DNMT3A: variants seen among roughly 807,000 people sequenced by gnomAD.
DNMT3A encodes the protein DNA (cytosine-5)-methyltransferase 3A.
DNMT3A carries 267 observed loss-of-function variants against 117.6 expected under a neutral mutation model. The ratio of observed to expected loss-of-function variants is 2.27; its 90% CI spans 2.05 to 2.51. The LOEUF (loss-of-function observed/expected upper bound fraction) is 2.51, where lower values mean the gene tolerates loss of function less well. Among genes scored for constraint, DNMT3A ranks in the 30% most tolerant of loss-of-function variants. DNMT3A has a pLI of 0.00. For synonymous variants in DNMT3A, 432 were observed against 474.8 expected (o/e 0.91, Z 1.17); for missense variants, 1,029 against 1,260.2 (o/e 0.82, Z 2.78).
Position 25,248,180 on chromosome 2 carries a change from T to TC in DNMT3A, c.711dup (p.Lys238GlufsTer15), listed in dbSNP as rs1319686263. 1 of 1,613,766 alleles carries TC rather than the reference T, an allele frequency of 6.2e-7. No homozygotes were observed. Among genetic ancestry groups the TC allele is most frequent in the Non-Finnish European group, 8.5e-7 (1 of 1,179,944 alleles). On this transcript the variant is annotated frameshift_variant, in exon 7 of 23. Transcript: ENST00000321117. LOFTEE classifies it high-confidence loss of function. ...GCAGGAGGGCTGGCCTCCTCCACCT[T>TC]CTGAGACTCCCCGGGCCCCTGGTTT...
chr2:25,242,330 C>T (rs1469731815), intron 16 of DNMT3A, among the ~76,000 whole-genome samples: 1 of 152,088 alleles, frequency 6.6e-6, no homozygotes, highest in Admixed American at 6.6e-5. Flanking sequence ...TTCCTTACCA[C>T]GATCCCTCCC....
At chr2:25,335,996 G>T (rs1183782732) in intron 1 of DNMT3A, among the ~76,000 whole-genome samples, 1 of 151,846 alleles carries the variant, frequency 6.6e-6, no homozygotes, top group Non-Finnish European at 1.5e-5. Flanking sequence ...GATTTAGCTA[G>T]GAAAGCCCCA....
In DNMT3A at chr2:25,257,041, T is replaced by G. The variant is rs1305929211; in HGVS notation, c.640-8789A>C. On this transcript the variant is annotated intron_variant, in intron 6 of 22. Transcript: ENST00000321117. The surrounding 1 kb of genome is among the most constrained non-coding windows in gnomAD (Gnocchi z 4.8). ...TCATAGCAGGAATTCTAATCGTTGC[T>G]ACGAGGTCCCAGTCTACCAAAAGAG... Among the ~76,000 whole-genome samples the G allele has an allele frequency of 6.6e-6, 1 of 152,250 alleles. No individual in the cohort carries two copies. The highest frequency in any genetic ancestry group is 2.4e-5 in the African/African-American group (1 of 41,462).
In DNMT3A at chr2:25,268,130, G is replaced by A. The variant is rs74816767; in HGVS notation, c.639+6811C>T. ...GTTGTATCTCAGTGTGGCGAGGGAA[G>A]GGAGGAGAGACTATGATGTTCCAGT... is the stretch of plus-strand genomic sequence containing the variant. On this transcript the variant is annotated intron_variant, in intron 6 of 22. Coordinates refer to ENST00000321117, the MANE Select transcript of DNMT3A (RefSeq NM_022552.5). Among the ~76,000 whole-genome samples the A allele has an allele frequency of 2.1e-3, 321 of 152,286 alleles. 3 individuals are homozygous for A. Among genetic ancestry groups the A allele is most frequent in the African/African-American group, 7.1e-3 (296 of 41,552 alleles).
intron 2 of DNMT3A, among the ~76,000 whole-genome samples, chr2:25,303,081 G>A (rs1262094166): frequency 6.6e-6 from 1 of 152,166 alleles, no homozygotes; most frequent in Non-Finnish European, 1.5e-5. Context: ...CCAGCGCCTA[G>A]GGCAGATTCT....
In DNMT3A at chr2:25,245,420, A is replaced by C; in HGVS notation, c.1475-88T>G. 3 of 1,248,214 alleles carry C rather than the reference A, an allele frequency of 2.4e-6. No individual in the cohort carries two copies. The South Asian group carries it at 3.8e-5, about 16-fold the overall frequency. 77.3% of individuals were successfully genotyped at this position (1,248,214 alleles called of 1,614,324 possible). Reference sequence around the variant, plus strand: ...GAGCCCAGCACCAGACCAGCCACAAAAAAGGGGTGTGCCAGAGCGGCAGCC... The same window carrying C: ...GAGCCCAGCACCAGACCAGCCACAACAAAGGGGTGTGCCAGAGCGGCAGCC... On this transcript the variant is annotated intron_variant, in intron 12 of 22. Coordinates refer to ENST00000321117, the MANE Select transcript of DNMT3A (RefSeq NM_022552.5).
At chr2:25,245,398 C>T in intron 12 of DNMT3A, 66 bp from the exon 13 acceptor site, 1 of 1,443,240 alleles carries the variant, frequency 6.9e-7, no homozygotes, top group South Asian at 1.2e-5. Context: ...CGGGCCGGAG[C>T]CCAGCACCAG....
intron 1 of DNMT3A, among the ~76,000 whole-genome samples, chr2:25,324,400 T>C (rs2034711321): frequency 1.3e-5 from 2 of 152,182 alleles, no homozygotes; most frequent in South Asian, 4.1e-4. Context: ...TCCGTGTAAC[T>C]CAGAACCCTT....
Position 25,282,062 on chromosome 2 carries a change from C to T in DNMT3A, c.448+379G>A. On this transcript the variant is annotated intron_variant, in intron 4 of 22. Coordinates refer to ENST00000321117, the MANE Select transcript of DNMT3A (RefSeq NM_022552.5). This position sits in a 1 kb window ranked among gnomAD's most constrained non-coding sequence, Gnocchi z 5.2. ...AGGTAGAGCTGCAGAAAACTAAGGCCCACAACCAGCCACAGAAGGCGATGG... is the reference window on the plus strand; with the variant it reads ...AGGTAGAGCTGCAGAAAACTAAGGCTCACAACCAGCCACAGAAGGCGATGG... 8.7e-7 allele frequency: 1 copy of T among 1,149,140 alleles called. No individual in the cohort carries two copies. Among genetic ancestry groups the T allele is most frequent in the East Asian group, 4.3e-5 (1 of 23,028 alleles). The allele number at this position is 1,149,140 out of a possible 1,614,324, so 71.2% of individuals were successfully genotyped here.
At chr2:25,287,681 G>A (rs1329657408) in intron 3 of DNMT3A, among the ~76,000 whole-genome samples, 3 of 151,920 alleles carry the variant, frequency 2.0e-5, no homozygotes, top group African/African-American at 7.2e-5. Flanking sequence ...CTGGCATCTA[G>A]TGAGTAGAGG....
Position 25,281,521 on chromosome 2 carries a change from A to C in DNMT3A, c.448+920T>G. On this transcript the variant is annotated intron_variant, in intron 4 of 22. Transcript: ENST00000321117. The surrounding 1 kb of genome is among the most constrained non-coding windows in gnomAD (Gnocchi z 4.8). ...GAACATTAGGTTGGATCCATGCAAAATAAGTTACGCCAATTAATCAATTTA... is the reference window on the plus strand; with the variant it reads ...GAACATTAGGTTGGATCCATGCAAACTAAGTTACGCCAATTAATCAATTTA... The C allele has an allele frequency of 9.4e-7, 1 of 1,059,106 alleles. No homozygotes were observed. The highest frequency in any genetic ancestry group is 5.4e-5 in the Admixed American group (1 of 18,502). The allele number at this position is 1,059,106 out of a possible 1,614,324, so 65.6% of individuals were successfully genotyped here. A position where few individuals can be genotyped will look rare whatever the true frequency, so the allele number is the denominator to read the frequency against.
chr2:25,272,888 A>G (rs1401323888), intron 6 of DNMT3A, among the ~76,000 whole-genome samples: 3 of 134,682 alleles, frequency 2.2e-5, no homozygotes, highest in African/African-American at 8.7e-5. Flanking sequence ...CGCAACCTCC[A>G]CCTGTCGGGT....
intron 16 of DNMT3A, among the ~76,000 whole-genome samples, chr2:25,242,487 C>T (rs1573320106): frequency 6.6e-6 from 1 of 152,132 alleles, no homozygotes; most frequent in Non-Finnish European, 1.5e-5. Flanking sequence ...TGGGGTGTGA[C>T]ATGATTTAAG....
rs576380561 is a variant in DNMT3A, at chr2:25,293,210, G to A, written c.177+6929C>T. Among the ~76,000 whole-genome samples, 1 of 152,098 alleles carries A rather than the reference G, an allele frequency of 6.6e-6. No individual in the cohort carries two copies. The highest frequency in any genetic ancestry group is 6.5e-5 in the Admixed American group (1 of 15,288). On this transcript the variant is annotated intron_variant, in intron 3 of 22. Coordinates refer to ENST00000321117, the MANE Select transcript of DNMT3A (RefSeq NM_022552.5). The surrounding 1 kb of genome is among the most constrained non-coding windows in gnomAD (Gnocchi z 4.7). ...CCCCTTCCTCTCCAGCGTTCCCAGG[G>A]CCAGCAGCATAGGCTTGGCCAATTC...
intron 1 of DNMT3A, 50 bp from the exon 2 acceptor site, chr2:25,314,211 G>A: frequency 7.1e-7 from 1 of 1,399,596 alleles, no homozygotes; most frequent in Non-Finnish European, 9.3e-7. Flanking sequence ...CACCCTCCCT[G>A]GGTCAGGCCC....
intron 16 of DNMT3A, chr2:25,242,039 G>T (rs1674132977): frequency 3.0e-6 from 1 of 334,442 alleles, no homozygotes; most frequent in Admixed American, 5.3e-5. Context: ...CTACAACTTG[G>T]TCCTTCCATA....
Position 25,247,112 on chromosome 2 carries a change from A to C in DNMT3A, c.1061T>G (p.Phe354Cys). Residue 354 changes from phenylalanine (F) to cysteine (C), a missense_variant, in exon 9 of 23, where the codon TTC (phenylalanine) becomes TGC (cysteine). Coordinates refer to ENST00000321117, the MANE Select transcript of DNMT3A (RefSeq NM_022552.5). This position sits in a 1 kb window ranked among gnomAD's most constrained non-coding sequence, Gnocchi z 5.6. ...LMPLSSFCSA[F>C]HQATYNKQPM... is the part of the protein sequence containing the mutation. ...CTGCTTGTTGTACGTGGCCTGGTGG[A>C]ACGCACTGCAAAACGAGCTCAGCGG... 6.2e-7 allele frequency: 1 copy of C among 1,614,104 alleles called. No homozygotes were observed. Among genetic ancestry groups the C allele is most frequent in the Non-Finnish European group, 8.5e-7 (1 of 1,179,998 alleles).
intron 6 of DNMT3A, among the ~76,000 whole-genome samples, chr2:25,268,634 C>T (rs1482976553): frequency 6.6e-6 from 1 of 152,172 alleles, no homozygotes; most frequent in Non-Finnish European, 1.5e-5. Flanking sequence ...CCCTGGCCAG[C>T]TCTGCCAGGC....
In DNMT3A at chr2:25,240,652, TGC is replaced by T. The variant is rs1673906441; in HGVS notation, c.2159_2160del (p.Arg720GlnfsTer13). ...CNDLSIVNPA[R>X]KGLYEGTGRL... The stretch of plus-strand genomic sequence containing the variant: ...GGATGGTACCTACCGTAGAGGCCCT[TGC>T]GAGCAGGGTTGACGATGGAGAGGTC... On this transcript the variant is annotated frameshift_variant, in exon 18 of 23. Coordinates refer to ENST00000321117, the MANE Select transcript of DNMT3A (RefSeq NM_022552.5). LOFTEE classifies it high-confidence loss of function. The T allele has an allele frequency of 6.2e-7, 1 of 1,614,080 alleles. No individual in the cohort carries two copies. Among genetic ancestry groups the T allele is most frequent in the Non-Finnish European group, 8.5e-7 (1 of 1,180,038 alleles).
Sources: gnomAD v4.1 joint callset for allele counts (sites outside exome capture counted in the v4.1 genomes callset) on GRCh38, gnomAD v4.1.1 for gene constraint, Gnocchi (gnomAD v3.1) non-coding constraint, MANE v1.5 for transcripts, NCBI Gene and HGNC (gene_info 2026-07-23, HGNC 2026-07-21) for gene names.